The following SLC22A24 variants were observed in gnomAD, a reference collection of about 807,000 sequenced individuals.
The protein encoded by SLC22A24 is steroid transmembrane transporter SLC22A24.
Under a neutral mutation model 49.8 loss-of-function variants are expected in SLC22A24, and 53 were observed. The observed-to-expected ratio is 1.06, with a 90% CI of 0.85 to 1.34. The LOEUF (loss-of-function observed/expected upper bound fraction) is 1.34, where lower values mean the gene tolerates loss of function less well. Ranked by LOEUF, SLC22A24 falls within the 40% of genes most tolerant of loss-of-function variation. SLC22A24 has a pLI of 0.00. For synonymous variants in SLC22A24, 302 were observed against 256.4 expected, an observed-to-expected ratio of 1.18 and a Z score of -1.70; for missense variants, 786 against 675.9, an observed-to-expected ratio of 1.16 and a Z score of -1.81.
chr11:63,119,047 A>G lies in SLC22A24; in HGVS notation c.695T>C (p.Met232Thr). Residue 232 changes from methionine (M) to threonine (T), a missense_variant, in exon 4 of 10, where the codon ATG (methionine) becomes ACG (threonine). Transcript: ENST00000612278. ...LEWTLPRSRSMTIMVLLCSYS... is the reference protein window; with the variant it reads ...LEWTLPRSRSTTIMVLLCSYS... ...GGAACATAATAGCACCATTATTGTC[A>G]TAGATCGTGACCGGGGCAATGTCCA... The G allele has an allele frequency of 6.4e-7, 1 of 1,551,012 alleles. No individual in the cohort carries two copies. Among genetic ancestry groups the G allele is most frequent in the East Asian group, 2.4e-5 (1 of 40,896 alleles).
chr11:63,092,369 AGT>A (rs1565324551), intron 6 of SLC22A24, among the ~76,000 whole-genome samples: 5 of 147,994 alleles, frequency 3.4e-5, no homozygotes, highest in Admixed American at 2.7e-4. Flanking sequence ...TGAAGCTACT[AGT>A]GACTTTCTTT....
chr11:63,112,368 G>A (rs891175193), intron 4 of SLC22A24, among the ~76,000 whole-genome samples: 11 of 152,240 alleles, frequency 7.2e-5, no homozygotes, highest in East Asian at 1.9e-4. Context: ...TATTAGGTCC[G>A]GTTGGTGCAG....
intron 5 of SLC22A24, among the ~76,000 whole-genome samples, chr11:63,098,711 CTAA>C (rs1428222100): frequency 6.6e-6 from 1 of 151,874 alleles, no homozygotes; most frequent in Non-Finnish European, 1.5e-5. Flanking sequence ...ACTAAACAAT[CTAA>C]TGATGTGTCT....
At position 63,083,348 on chromosome 11, in the gene SLC22A24, A is replaced by T; in HGVS notation, c.1180T>A (p.Cys394Ser). ...TGATTCAGTGTCAAAAGGGAAACAC[A>T]TCTGGCTGTGAATGTGACAGCTCCA... ...LCGAVTFTAR[C>S]VSLLTLNHMG... The change falls in exon 7 of 10, where the codon TGT becomes AGT. Residue 394 changes from cysteine to serine, a missense_variant. Cys to Ser is a moderately radical substitution (Grantham distance 112). Coordinates refer to ENST00000612278, the MANE Select transcript of SLC22A24 (RefSeq NM_001136506.2). 6.4e-7 allele frequency: 1 copy of T among 1,554,302 alleles called. No homozygotes were observed. Among genetic ancestry groups the T allele is most frequent in the South Asian group, 1.2e-5 (1 of 84,202 alleles).
In SLC22A24 at chr11:63,096,111, A is replaced by G. The variant is rs1356901621; in HGVS notation, c.955-5T>C. On this transcript the variant is annotated splice_polypyrimidine_tract_variant and splice_region_variant and intron_variant, in intron 5 of 9. Transcript: ENST00000612278. ...CTTCATGGTGGATCTCACAAGCTTC[A>G]GCAACAAAAATAACAACAAGCATTT... is the stretch of plus-strand genomic sequence containing the variant. 1.3e-5 allele frequency: 20 copies of G among 1,529,594 alleles called. No individual in the cohort carries two copies. The highest frequency in any genetic ancestry group is 1.7e-5 in the Non-Finnish European group (19 of 1,127,156). 94.8% of individuals were successfully genotyped at this position (1,529,594 alleles called of 1,614,324 possible).
chr11:63,084,747 A>G (rs1458061880), intron 6 of SLC22A24, among the ~76,000 whole-genome samples: 1 of 152,180 alleles, frequency 6.6e-6, no homozygotes, highest in Non-Finnish European at 1.5e-5. Flanking sequence ...GAGAGGAAGC[A>G]TAACACATTT....
At chr11:63,135,558 T>C (rs1376116889) in intron 1 of SLC22A24, among the ~76,000 whole-genome samples, 1 of 152,242 alleles carries the variant, frequency 6.6e-6, no homozygotes, top group African/African-American at 2.4e-5. Flanking sequence ...TTTTGCATTG[T>C]TGGAATTTGC....
At chr11:63,112,518 A>G (rs2087173571) in intron 4 of SLC22A24, among the ~76,000 whole-genome samples, 1 of 152,010 alleles carries the variant, frequency 6.6e-6, no homozygotes, top group Non-Finnish European at 1.5e-5. Context: ...CTTCTTTATT[A>G]GTCTTGCTAG....
chr11:63,099,609 C>G (rs570059425), intron 5 of SLC22A24, among the ~76,000 whole-genome samples: 1 of 151,824 alleles, frequency 6.6e-6, no homozygotes, highest in Non-Finnish European at 1.5e-5. Flanking sequence ...CCAAACCAGA[C>G]AGAGACAGAT....
chr11:63,121,193 C>G (rs565460228), intron 2 of SLC22A24, among the ~76,000 whole-genome samples: 5 of 152,152 alleles, frequency 3.3e-5, no homozygotes, highest in Admixed American at 6.6e-5. Flanking sequence ...ATGTATCACA[C>G]TAGTGCAAAA....
chr11:63,112,649 C>A (rs2087174551), intron 4 of SLC22A24, among the ~76,000 whole-genome samples: 2 of 152,042 alleles, frequency 1.3e-5, no homozygotes, highest in African/African-American at 2.4e-5. Flanking sequence ...TTCTTGCCTT[C>A]TGCTAGATTT....
In SLC22A24 at chr11:63,113,169, T is replaced by C. The variant is rs1377271761; in HGVS notation, c.830+5743A>G. 5.5e-4 allele frequency among the ~76,000 whole-genome samples: 5 copies of C among 9,062 alleles called. 1 individual carries two copies. Among genetic ancestry groups the C allele is most frequent in the African/African-American group, 8.8e-4 (5 of 5,672 alleles). The allele number at this position is 9,062 out of a possible 152,430, so 5.9% of individuals were successfully genotyped here. A position where few individuals can be genotyped will look rare whatever the true frequency, so the allele number is the denominator to read the frequency against. On this transcript the variant is annotated intron_variant, in intron 4 of 9. Coordinates refer to ENST00000612278, the MANE Select transcript of SLC22A24 (RefSeq NM_001136506.2). Reference sequence around the variant, plus strand: ...ATATATATACATATATATATACACATATATATACATATATATATACACATA... The same window carrying C: ...ATATATATACATATATATATACACACATATATACATATATATATACACATA...
chr11:63,122,422 T>G (rs1178972983), intron 2 of SLC22A24, among the ~76,000 whole-genome samples: 1 of 152,190 alleles, frequency 6.6e-6, no homozygotes, highest in Admixed American at 6.5e-5. Context: ...GTTTAAGATT[T>G]TGGGCAGCTA....
chr11:63,081,639 GC>G lies in SLC22A24; in HGVS notation c.1312del (p.Ala438GlnfsTer27). ...AGAAACACTACCAATTCCCAAAGTT[GC>G]TAAAACCACACGCAGGATCTGCATT... The part of the protein sequence containing the change: ...QEMQILRVVL[A>X]TLGIGSVSAA... On this transcript the variant is annotated frameshift_variant, in exon 8 of 10. Coordinates refer to ENST00000612278, the MANE Select transcript of SLC22A24 (RefSeq NM_001136506.2). LOFTEE classifies it high-confidence loss of function. 6.4e-7 allele frequency: 1 copy of G among 1,551,356 alleles called. No homozygotes were observed. The highest frequency in any genetic ancestry group is 8.7e-7 in the Non-Finnish European group (1 of 1,146,708).
intron 1 of SLC22A24, among the ~76,000 whole-genome samples, chr11:63,135,876 G>A (rs756569998): frequency 6.6e-6 from 1 of 152,222 alleles, no homozygotes; most frequent in Non-Finnish European, 1.5e-5. Flanking sequence ...GAGCCTTGAA[G>A]ATGAGGAGTG....
Position 63,143,867 on chromosome 11 carries a change from T to C in SLC22A24, c.-88A>G. 6.2e-6 allele frequency: 7 copies of C among 1,128,184 alleles called. No homozygotes were observed. The highest frequency in any genetic ancestry group is 2.1e-4 in the Middle Eastern group (1 of 4,746). 69.9% of individuals were successfully genotyped at this position (1,128,184 alleles called of 1,614,324 possible). On this transcript the variant is annotated 5_prime_UTR_variant, in exon 1 of 10. An upstream open reading frame in the 5' UTR loses its in-frame stop. Coordinates refer to ENST00000612278, the MANE Select transcript of SLC22A24 (RefSeq NM_001136506.2). ...GAGAAAATGTCCCCTTTCACAAAGT[T>C]ACCATAGTGCCATGTGGATCCTGAC...
At chr11:63,091,885 T>C (rs1369219815) in intron 6 of SLC22A24, among the ~76,000 whole-genome samples, 2 of 152,132 alleles carry the variant, frequency 1.3e-5, no homozygotes, top group Non-Finnish European at 2.9e-5. Context: ...CTATTCAACA[T>C]AGTATTGGAA....
intron 2 of SLC22A24, among the ~76,000 whole-genome samples, chr11:63,120,704 A>G (rs1443524099): frequency 1.3e-5 from 2 of 152,194 alleles, no homozygotes; most frequent in Non-Finnish European, 2.9e-5. Flanking sequence ...GTATTAGCAT[A>G]CAAACAAACT....
At chr11:63,120,670 T>C (rs2087245632) in intron 2 of SLC22A24, among the ~76,000 whole-genome samples, 1 of 152,106 alleles carries the variant, frequency 6.6e-6, no homozygotes, top group Non-Finnish European at 1.5e-5. Flanking sequence ...CCAAATTACA[T>C]GAGTTGATAC....
Sources: gnomAD v4.1 joint callset for allele counts (sites outside exome capture counted in the v4.1 genomes callset) on GRCh38, gnomAD v4.1.1 for gene constraint, MANE v1.5 for transcripts, NCBI Gene and HGNC (gene_info 2026-07-23, HGNC 2026-07-21) for gene names.